HECTD4: variants seen among roughly 807,000 people sequenced by gnomAD.
HECTD4 encodes HECT domain E3 ubiquitin protein ligase 4.
HECTD4 carries 114 observed loss-of-function variants against 471.5 expected under a neutral mutation model. That is an observed-to-expected ratio of 0.24 (90% CI 0.21 to 0.28). HECTD4 has a LOEUF of 0.28. Among genes scored for constraint, HECTD4 ranks in the 10% least tolerant of loss-of-function variants. The pLI, the probability that HECTD4 is intolerant of heterozygous loss-of-function variation, is 1.00. For synonymous variants in HECTD4, 2,012 were observed against 2,256.0 expected, an observed-to-expected ratio of 0.89 and a Z score of 3.07; for missense variants, 3,866 against 5,651.5, an observed-to-expected ratio of 0.68 and a Z score of 10.13.
At chr12:112,186,694 T>C (rs990241860) in intron 60 of HECTD4, among the ~76,000 whole-genome samples, 5 of 131,862 alleles carry the variant, frequency 3.8e-5, no homozygotes, top group Non-Finnish European at 8.1e-5. Flanking sequence ...TGAGACAGAG[T>C]CTGTCTCTTA....
At chr12:112,293,629 A>C (rs983007748) in intron 7 of HECTD4, among the ~76,000 whole-genome samples, 5 of 152,196 alleles carry the variant, frequency 3.3e-5, no homozygotes, top group African/African-American at 4.8e-5. Flanking sequence ...GTGTATAATA[A>C]ATCACCATTT....
intron 7 of HECTD4, among the ~76,000 whole-genome samples, chr12:112,291,303 C>T (rs1258907842): frequency 6.6e-6 from 1 of 152,106 alleles, no homozygotes; most frequent in African/African-American, 2.4e-5. Context: ...TCATTTCACC[C>T]CCACATATTT....
chr12:112,306,311 C>G, intron 6 of HECTD4, 77 bp from the exon 7 acceptor site: 1 of 1,159,234 alleles, frequency 8.6e-7, no homozygotes, highest in South Asian at 2.9e-5. Context: ...ATCATTAATG[C>G]CATTATGCCC....
intron 6 of HECTD4, among the ~76,000 whole-genome samples, chr12:112,306,545 G>A (rs2035274459): frequency 6.6e-6 from 1 of 152,156 alleles, no homozygotes. Context: ...ATGCATATGT[G>A]TTGTATCTAA....
chr12:112,219,603 T>A, intron 44 of HECTD4, 114 bp from the exon 45 acceptor site: 2 of 212,086 alleles, frequency 9.4e-6, no homozygotes, highest in Non-Finnish European at 1.7e-5. Context: ...GCTCATTGAA[T>A]TTTTTTTTTT....
intron 69 of HECTD4, 123 bp from the exon 70 acceptor site, chr12:112,169,781 C>T: frequency 9.1e-7 from 1 of 1,099,084 alleles, no homozygotes. Context: ...CCTCGCTCGG[C>T]CCCCTGTGCC....
At chr12:112,334,717 G>A (rs1308738166) in intron 1 of HECTD4, among the ~76,000 whole-genome samples, 2 of 150,840 alleles carry the variant, frequency 1.3e-5, no homozygotes, top group African/African-American at 4.9e-5. Flanking sequence ...GGCTGAGGCA[G>A]GAGAATTGCT....
At chr12:112,182,629 G>A (rs139883833) in intron 62 of HECTD4, among the ~76,000 whole-genome samples, 156 of 152,364 alleles carry the variant, frequency 1.0e-3, no homozygotes, top group African/African-American at 3.5e-3. Flanking sequence ...CCAGGGGAAG[G>A]CTGGCTAGAC....
In HECTD4 at chr12:112,239,160, C is replaced by T. The variant is rs774983781; in HGVS notation, c.5182G>A (p.Glu1728Lys). Reference protein sequence around the residue: ...DRLCSLSNQTESSSSEKQTKK... With the variant: ...DRLCSLSNQTKSSSSEKQTKK... ...GTCTGTTTCTCACTGGAGCTGGACT[C>T]GGTCTGATTGCTCAAGCTACACAGT... The change falls in exon 34 of 76, where the codon GAG (glutamate) becomes AAG (lysine). Residue 1728 changes from glutamate to lysine, a missense_variant. Glu to Lys is a moderately conservative substitution (Grantham distance 56, BLOSUM62 1). Around this residue, in one of 16 missense-constraint regions of HECTD4, gnomAD observed 229 missense variants for 386.4 expected, o/e 0.59. Coordinates refer to ENST00000682272, the MANE Select transcript of HECTD4 (RefSeq NM_001388303.1). The surrounding 1 kb of genome is among the most constrained non-coding windows in gnomAD (Gnocchi z 4.9). The T allele has an allele frequency of 2.0e-5, 33 of 1,613,792 alleles. No individual in the cohort carries two copies. The highest frequency in any genetic ancestry group is 6.7e-5 in the African/African-American group (5 of 74,928).
intron 1 of HECTD4, among the ~76,000 whole-genome samples, chr12:112,324,313 T>C (rs1330119963): frequency 6.7e-6 from 1 of 149,992 alleles, no homozygotes; most frequent in African/African-American, 2.5e-5. Context: ...GAGATGGGGG[T>C]CTCCCTACAT....
At chr12:112,380,344 C>T (rs1438000248) in intron 1 of HECTD4, among the ~76,000 whole-genome samples, 1 of 151,848 alleles carries the variant, frequency 6.6e-6, no homozygotes, top group Non-Finnish European at 1.5e-5. Context: ...ACTCGGGAGG[C>T]AGAGGCAGGA....
Position 112,200,967 on chromosome 12 carries a change from G to T in HECTD4, c.8407-169C>A, listed in dbSNP as rs58569765. Among the ~76,000 whole-genome samples the T allele has an allele frequency of 6.5e-3, 981 of 151,958 alleles. 14 individuals are homozygous for T. Among genetic ancestry groups the T allele is most frequent in the African/African-American group, 0.023 (942 of 41,396 alleles). Reference sequence around the variant, plus strand: ...ATTTGTAACTAATTGCTATTTCATAGACAAACGAAAGAGAATTCACAATAC... The same window carrying T: ...ATTTGTAACTAATTGCTATTTCATATACAAACGAAAGAGAATTCACAATAC... On this transcript the variant is annotated intron_variant, in intron 54 of 75. Transcript: ENST00000682272.
At chr12:112,301,181 C>T (rs7973349) in intron 7 of HECTD4, among the ~76,000 whole-genome samples, 23,212 of 150,012 alleles carry the variant, frequency 0.15, 2,366 homozygotes, top group African/African-American at 0.3. Context: ...CCACCACGCC[C>T]GGTCGTACTT....
At position 112,176,719 on chromosome 12, in the gene HECTD4, T is replaced by A; in HGVS notation, c.11364-17A>T. The A allele has an allele frequency of 6.4e-7, 1 of 1,568,596 alleles. No individual in the cohort carries two copies. Among genetic ancestry groups the A allele is most frequent in the Non-Finnish European group, 8.8e-7 (1 of 1,138,452 alleles). Reference sequence around the variant, plus strand: ...GCAGTCCTGCTGTAGACCAAAGCACTGGAATTAGACTAATGCACGTTCACA... The same window carrying A: ...GCAGTCCTGCTGTAGACCAAAGCACAGGAATTAGACTAATGCACGTTCACA... On this transcript the variant is annotated splice_polypyrimidine_tract_variant and intron_variant, in intron 64 of 75. Transcript: ENST00000682272.
intron 1 of HECTD4, among the ~76,000 whole-genome samples, chr12:112,360,572 A>G (rs2036431117): frequency 6.6e-6 from 1 of 152,242 alleles, no homozygotes; most frequent in Non-Finnish European, 1.5e-5. Context: ...AATATATACC[A>G]GAAAATGTAT....
intron 47 of HECTD4, 48 bp from the exon 48 acceptor site, chr12:112,216,419 T>G (rs767689781): frequency 7.7e-7 from 1 of 1,301,192 alleles, no homozygotes; most frequent in South Asian, 1.3e-5. Flanking sequence ...AAGATAAGCC[T>G]CACTGGCCAA....
rs368296539 is a variant in HECTD4, at chr12:112,208,004, G to A, written c.8005-4C>T. ...CCAGCAGGGCGTAGTGGTCCTCCTG[G>A]AAGCAGAAGGAACCTCATGAACAGA... On this transcript the variant is annotated splice_polypyrimidine_tract_variant and splice_region_variant and intron_variant, in intron 51 of 75. Transcript: ENST00000682272. 6.2e-7 allele frequency: 1 copy of A among 1,612,152 alleles called. No individual in the cohort carries two copies. Among genetic ancestry groups the A allele is most frequent in the East Asian group, 2.2e-5 (1 of 44,854 alleles).
chr12:112,212,664 C>G lies in HECTD4; in HGVS notation c.7466-14G>C. 3 of 1,578,448 alleles carry G rather than the reference C, an allele frequency of 1.9e-6. No homozygotes were observed. Among genetic ancestry groups the G allele is most frequent in the Non-Finnish European group, 1.7e-6 (2 of 1,161,232 alleles). On this transcript the variant is annotated splice_polypyrimidine_tract_variant and intron_variant, in intron 48 of 75. Coordinates refer to ENST00000682272, the MANE Select transcript of HECTD4 (RefSeq NM_001388303.1). Reference sequence around the variant, plus strand: ...CTGCCACGTCACCTATAGCAGAGAACGGGAAGGAAAACATATTTTCTCCCT... The same window carrying G: ...CTGCCACGTCACCTATAGCAGAGAAGGGGAAGGAAAACATATTTTCTCCCT...
At chr12:112,379,475 C>A (rs1214252520) in intron 1 of HECTD4, among the ~76,000 whole-genome samples, 1 of 152,188 alleles carries the variant, frequency 6.6e-6, no homozygotes, top group Non-Finnish European at 1.5e-5. Flanking sequence ...AGGCGGATCA[C>A]CTGAGGTCAG....
Sources: gnomAD v4.1 joint callset for allele counts (sites outside exome capture counted in the v4.1 genomes callset) on GRCh38, gnomAD v4.1.1 for gene constraint, gnomAD v4.1.1 regional missense constraint, Gnocchi (gnomAD v3.1) non-coding constraint, MANE v1.5 for transcripts, NCBI Gene and HGNC (gene_info 2026-07-23, HGNC 2026-07-21) for gene names.